PRKCE: variants seen among roughly 807,000 people sequenced by gnomAD.
PRKCE encodes protein kinase C epsilon, also known as protein kinase C epsilon type.
In PRKCE, 16 loss-of-function variants were observed where a neutral mutation model predicts 85.4. That is an observed-to-expected ratio of 0.19 (90% CI 0.13 to 0.28). The LOEUF (loss-of-function observed/expected upper bound fraction) is 0.28, where lower values mean the gene tolerates loss of function less well. Among genes scored for constraint, PRKCE ranks in the 10% least tolerant of loss-of-function variants. The probability of loss-of-function intolerance (pLI) is 1.00; values close to 1 mark genes in which losing one functional copy is unlikely to be tolerated. For missense variants in PRKCE, 573 were observed against 975.2 expected (o/e 0.59, Z 5.49); for synonymous variants, 388 against 371.5 (o/e 1.04, Z -0.51).
intron 10 of PRKCE, among the ~76,000 whole-genome samples, chr2:46,066,865 A>T (rs1034705228): frequency 3.9e-5 from 6 of 152,296 alleles, no homozygotes; most frequent in Admixed American, 3.9e-4. Context: ...GCAGAGTTTT[A>T]TCTTCTCCAT....
At chr2:46,075,624 C>T (rs1267556797) in intron 10 of PRKCE, among the ~76,000 whole-genome samples, 2 of 152,060 alleles carry the variant, frequency 1.3e-5, no homozygotes, top group African/African-American at 2.4e-5. Context: ...TCGCATCCAC[C>T]TGTAGTCCCA....
intron 11 of PRKCE, among the ~76,000 whole-genome samples, chr2:46,123,743 C>T (rs1673576221): frequency 1.3e-5 from 2 of 152,332 alleles, no homozygotes; most frequent in South Asian, 4.1e-4. Flanking sequence ...GCCTCAGCCT[C>T]CCAAAGTGCT....
At chr2:45,896,113 G>A (rs1696119881) in intron 2 of PRKCE, among the ~76,000 whole-genome samples, 1 of 152,202 alleles carries the variant, frequency 6.6e-6, no homozygotes, top group African/African-American at 2.4e-5. Context: ...ACCTGGCTGT[G>A]TTGCCTTGTC....
intron 10 of PRKCE, among the ~76,000 whole-genome samples, chr2:46,018,396 C>G (rs1354315874): frequency 6.6e-6 from 1 of 152,092 alleles, no homozygotes; most frequent in African/African-American, 2.4e-5. Flanking sequence ...AACTGCTGGC[C>G]TCTACAGAGG....
At chr2:46,106,853 A>G (rs1671764527) in intron 11 of PRKCE, among the ~76,000 whole-genome samples, 1 of 152,218 alleles carries the variant, frequency 6.6e-6, no homozygotes, top group Admixed American at 6.5e-5. Context: ...GCAGAACACA[A>G]ATCAGTCCTA....
intron 10 of PRKCE, among the ~76,000 whole-genome samples, chr2:46,072,815 T>C (rs1668191837): frequency 6.6e-6 from 1 of 152,166 alleles, no homozygotes; most frequent in Non-Finnish European, 1.5e-5. Context: ...TGTGCTGGGA[T>C]AGAAGACTAA....
In PRKCE at chr2:46,001,702, G is replaced by A. The variant is rs1704694955; in HGVS notation, c.966+156G>A. Among the ~76,000 whole-genome samples, 1 of 152,126 alleles carries A rather than the reference G, an allele frequency of 6.6e-6. No individual in the cohort carries two copies. Among genetic ancestry groups the A allele is most frequent in the South Asian group, 2.1e-4 (1 of 4,816 alleles). On this transcript the variant is annotated intron_variant, in intron 7 of 14. Transcript: ENST00000306156. This position sits in a 1 kb window ranked among gnomAD's most constrained non-coding sequence, Gnocchi z 4.4. Reference sequence around the variant, plus strand: ...CTTAAAGAAAAAAACAAAGATAGAAGCCAGGCAGGTAACATTAATGTCTTC... The same window carrying A: ...CTTAAAGAAAAAAACAAAGATAGAAACCAGGCAGGTAACATTAATGTCTTC...
At chr2:46,028,596 C>T (rs567272836) in intron 10 of PRKCE, among the ~76,000 whole-genome samples, 3 of 152,306 alleles carry the variant, frequency 2.0e-5, no homozygotes, top group Non-Finnish European at 4.4e-5. Context: ...TCCTTGCTGC[C>T]ATCACATACG....
At chr2:45,783,338 T>G (rs1686343647) in intron 1 of PRKCE, among the ~76,000 whole-genome samples, 1 of 152,104 alleles carries the variant, frequency 6.6e-6, no homozygotes, top group Non-Finnish European at 1.5e-5. Flanking sequence ...GTGAGCCTTT[T>G]TATATAAAAA....
chr2:46,010,278 T>C, intron 9 of PRKCE, 66 bp from the exon 10 acceptor site: 1 of 1,457,380 alleles, frequency 6.9e-7, no homozygotes, highest in Non-Finnish European at 9.1e-7. Flanking sequence ...TATTTGGTAT[T>C]AGCTTACACT....
At chr2:45,694,078 C>G (rs1311470884) in intron 1 of PRKCE, among the ~76,000 whole-genome samples, 1 of 151,446 alleles carries the variant, frequency 6.6e-6, no homozygotes, top group Non-Finnish European at 1.5e-5. Context: ...TTATTTATTT[C>G]TGCTGTATCC....
At chr2:46,157,478 G>C (rs533745241) in intron 13 of PRKCE, among the ~76,000 whole-genome samples, 166 of 152,312 alleles carry the variant, frequency 1.1e-3, no homozygotes, top group Non-Finnish European at 1.5e-3. Context: ...GGCCATGGAG[G>C]CTGCTAAACT....
chr2:45,846,555 A>G (rs2105514927), intron 2 of PRKCE, among the ~76,000 whole-genome samples: 1 of 152,346 alleles, frequency 6.6e-6, no homozygotes, highest in Non-Finnish European at 1.5e-5. Flanking sequence ...GTACCTCACA[A>G]ATGATGCAGA....
chr2:45,674,071 C>T (rs1217774425), intron 1 of PRKCE, among the ~76,000 whole-genome samples: 1 of 152,126 alleles, frequency 6.6e-6, no homozygotes, highest in Non-Finnish European at 1.5e-5. Context: ...ATTTCATTTC[C>T]TTGTGTTTAT....
At chr2:45,681,526 C>T (rs960950430) in intron 1 of PRKCE, among the ~76,000 whole-genome samples, 1 of 152,066 alleles carries the variant, frequency 6.6e-6, no homozygotes, top group Non-Finnish European at 1.5e-5. Context: ...TAAGTACAGG[C>T]CAGCCAAAAT....
intron 1 of PRKCE, among the ~76,000 whole-genome samples, chr2:45,764,839 A>G (rs912140080): frequency 2.6e-5 from 4 of 152,222 alleles, no homozygotes; most frequent in Non-Finnish European, 5.9e-5. Flanking sequence ...CATTAAAATC[A>G]ACATATATTA....
intron 1 of PRKCE, among the ~76,000 whole-genome samples, chr2:45,735,062 C>CT (rs899974104): frequency 6.6e-6 from 1 of 152,264 alleles, no homozygotes; most frequent in African/African-American, 2.4e-5. Flanking sequence ...ACATGCTAAT[C>CT]TCCCTCTCAG....
chr2:45,793,925 G>C (rs1687218601), intron 1 of PRKCE, among the ~76,000 whole-genome samples: 1 of 152,074 alleles, frequency 6.6e-6, no homozygotes, highest in Admixed American at 6.6e-5. Context: ...GTTCGGATTG[G>C]TTCTAGTTAT....
chr2:45,951,560 C>T (rs1459052804), intron 2 of PRKCE, among the ~76,000 whole-genome samples: 1 of 152,212 alleles, frequency 6.6e-6, no homozygotes, highest in Non-Finnish European at 1.5e-5. Flanking sequence ...AAGATACGTG[C>T]TCTGCTTCCT....
Sources: gnomAD v4.1 joint callset for allele counts (sites outside exome capture counted in the v4.1 genomes callset) on GRCh38, gnomAD v4.1.1 for gene constraint, Gnocchi (gnomAD v3.1) non-coding constraint, MANE v1.5 for transcripts, NCBI Gene and HGNC (gene_info 2026-07-23, HGNC 2026-07-21) for gene names.